SCAI: variants seen among roughly 807,000 people sequenced by gnomAD.
SCAI encodes suppressor of cancer cell invasion.
In SCAI, 24 loss-of-function variants were observed where a neutral mutation model predicts 92.2. That is an observed-to-expected ratio of 0.26 (90% confidence interval 0.19 to 0.37). The LOEUF (loss-of-function observed/expected upper bound fraction) is 0.37, where lower values mean the gene tolerates loss of function less well. SCAI is among the 10% of genes least tolerant of loss of function. SCAI has a pLI of 1.00. For missense variants in SCAI, 450 were observed against 736.2 expected (o/e 0.61, Z 4.50); for synonymous variants, 261 against 258.6 (o/e 1.01, Z -0.09).
In SCAI at chr9:124,947,127, G is replaced by A. The variant is rs1831157122; in HGVS notation, c.*5680C>T. 1.3e-5 allele frequency: 2 copies of A among 151,924 alleles called. No individual in the cohort carries two copies. The highest frequency in any genetic ancestry group is 4.8e-5 in the African/African-American group (2 of 41,342). The allele number at this position is 151,924 out of a possible 1,614,324, so 9.4% of individuals were successfully genotyped here. On this transcript the variant is annotated 3_prime_UTR_variant, in exon 18 of 18. Coordinates refer to ENST00000336505, the MANE Select transcript of SCAI (RefSeq NM_001144877.3). Reference sequence around the variant, plus strand: ...GTATGAGGCATAAAAATGACAACTGGGAATATATTTCCCCTATTTAATGGA... The same window carrying A: ...GTATGAGGCATAAAAATGACAACTGAGAATATATTTCCCCTATTTAATGGA...
chr9:125,024,409 C>T (rs1022970093), intron 6 of SCAI, among the ~76,000 whole-genome samples: 4 of 151,696 alleles, frequency 2.6e-5, no homozygotes, highest in Non-Finnish European at 4.4e-5. Flanking sequence ...CTGAGTAGCT[C>T]GGACTACAGG....
In SCAI at chr9:124,978,978, A is replaced by G. The variant is rs193022005; in HGVS notation, c.1327-2792T>C. 2.8e-4 allele frequency among the ~76,000 whole-genome samples: 42 copies of G among 151,970 alleles called. 1 individual carries two copies. The East Asian group carries it at 7.6e-3, about 28-fold the overall frequency. ...CAGGTTCAAGTGATTCTTGTGCCTC[A>G]GCCTCCTGAGTAGCTGGGATTACAG... On this transcript the variant is annotated intron_variant, in intron 14 of 17. Coordinates refer to ENST00000336505, the MANE Select transcript of SCAI (RefSeq NM_001144877.3).
chr9:125,018,077 T>G (rs976802698), intron 9 of SCAI, among the ~76,000 whole-genome samples: 1 of 151,838 alleles, frequency 6.6e-6, no homozygotes, highest in African/African-American at 2.4e-5. Flanking sequence ...GTAGGACATA[T>G]ACATTTTGGA....
At chr9:125,044,380 C>T (rs1035591991) in intron 3 of SCAI, among the ~76,000 whole-genome samples, 6 of 152,084 alleles carry the variant, frequency 3.9e-5, no homozygotes, top group African/African-American at 1.4e-4. Context: ...GACATGCCTA[C>T]AGAAAGGAGC....
chr9:125,120,808 G>A (rs1450860940), intron 2 of SCAI, among the ~76,000 whole-genome samples: 1 of 152,038 alleles, frequency 6.6e-6, no homozygotes, highest in Non-Finnish European at 1.5e-5. Flanking sequence ...CTTGAACCCA[G>A]GAGGTAGAGG....
chr9:125,140,021 G>A (rs1193625437), intron 2 of SCAI, among the ~76,000 whole-genome samples: 1 of 152,082 alleles, frequency 6.6e-6, no homozygotes, highest in East Asian at 1.9e-4. Flanking sequence ...GAGCACAGGA[G>A]ACCAGCCTGA....
chr9:125,105,031 G>C (rs939328869), intron 2 of SCAI, among the ~76,000 whole-genome samples: 1 of 151,414 alleles, frequency 6.6e-6, no homozygotes, highest in Non-Finnish European at 1.5e-5. Context: ...AAAGGGGCTT[G>C]ACAGTTTTTC....
intron 14 of SCAI, among the ~76,000 whole-genome samples, chr9:124,986,521 G>A (rs994949036): frequency 2.6e-5 from 4 of 152,172 alleles, no homozygotes; most frequent in Admixed American, 2.6e-4. Flanking sequence ...GAGAGGTTAA[G>A]AAATGTGGAG....
intron 3 of SCAI, among the ~76,000 whole-genome samples, chr9:125,031,873 T>C (rs1833080190): frequency 6.6e-6 from 1 of 152,078 alleles, no homozygotes; most frequent in South Asian, 2.1e-4. Context: ...CAATGACCCC[T>C]AGGTACCATC....
At chr9:124,965,186 T>C (rs1179101312) in intron 17 of SCAI, among the ~76,000 whole-genome samples, 2 of 152,206 alleles carry the variant, frequency 1.3e-5, no homozygotes, top group East Asian at 1.9e-4. Flanking sequence ...TTTTGCTTTG[T>C]TATATAATGA....
chr9:125,066,683 G>A (rs1833878315), intron 2 of SCAI, among the ~76,000 whole-genome samples: 1 of 152,036 alleles, frequency 6.6e-6, no homozygotes. Context: ...TCGATCTCCT[G>A]ACCTCGTGAT....
At chr9:125,086,894 T>A (rs553301266) in intron 2 of SCAI, among the ~76,000 whole-genome samples, 1 of 152,282 alleles carries the variant, frequency 6.6e-6, no homozygotes, top group South Asian at 2.1e-4. Context: ...AGGGTTATCA[T>A]GAAGATTAAG....
intron 2 of SCAI, chr9:125,142,414 G>T (rs1355233644): frequency 4.2e-5 from 17 of 407,136 alleles, no homozygotes; most frequent in Non-Finnish European, 7.0e-5. Flanking sequence ...GATTTCTCAA[G>T]ATTTCCCACA....
At chr9:125,034,468 G>A (rs971914880) in intron 3 of SCAI, among the ~76,000 whole-genome samples, 1 of 152,186 alleles carries the variant, frequency 6.6e-6, no homozygotes, top group African/African-American at 2.4e-5. Flanking sequence ...GGGTACAGCA[G>A]TTCATGTCTG....
chr9:124,956,585 G>A (rs1831318594), intron 17 of SCAI, among the ~76,000 whole-genome samples: 1 of 152,158 alleles, frequency 6.6e-6, no homozygotes, highest in African/African-American at 2.4e-5. Context: ...ATCAGTAGAT[G>A]CAGAAAAAAG....
intron 3 of SCAI, among the ~76,000 whole-genome samples, chr9:125,032,170 A>AATATATATATATATATATAT (rs1195663083): frequency 8.4e-6 from 1 of 118,724 alleles, no homozygotes; most frequent in African/African-American, 3.5e-5. Context: ...TAGTAAAATG[A>AATATATATATATATATATAT]ATATATATAT....
chr9:125,031,426 T>G (rs977384192), intron 3 of SCAI, among the ~76,000 whole-genome samples: 2 of 151,168 alleles, frequency 1.3e-5, no homozygotes, highest in African/African-American at 2.4e-5. Context: ...CACGCCCGGC[T>G]AATTTTTTGT....
In SCAI at chr9:124,950,772, G is replaced by C. The variant is rs1204310138; in HGVS notation, c.*2035C>G. The C allele has an allele frequency of 6.6e-6, 1 of 152,116 alleles. No homozygotes were observed. Among genetic ancestry groups the C allele is most frequent in the Non-Finnish European group, 1.5e-5 (1 of 68,028 alleles). The allele number at this position is 152,116 out of a possible 1,614,324, so 9.4% of individuals were successfully genotyped here. A position where few individuals can be genotyped will look rare whatever the true frequency, so the allele number is the denominator to read the frequency against. ...AAATTTTTAAAAAGTAAACAGGCCA[G>C]GTACAGTGGCTCACACCTGTAATCC... is the stretch of plus-strand genomic sequence containing the variant. On this transcript the variant is annotated 3_prime_UTR_variant, in exon 18 of 18. Coordinates refer to ENST00000336505, the MANE Select transcript of SCAI (RefSeq NM_001144877.3).
At chr9:125,102,398 TC>T (rs1177446865) in intron 2 of SCAI, among the ~76,000 whole-genome samples, 2 of 152,052 alleles carry the variant, frequency 1.3e-5, no homozygotes, top group Non-Finnish European at 2.9e-5. Context: ...CCCTGCAGCC[TC>T]TATCTTACTT....
Sources: allele counts gnomAD v4.1 joint callset (sites outside exome capture counted in the v4.1 genomes callset), GRCh38; gene constraint gnomAD v4.1.1; transcripts MANE v1.5; gene names NCBI Gene and HGNC (gene_info 2026-07-23, HGNC 2026-07-21).